Variants in NCALD observed in about 807,000 individuals in gnomAD.
The protein encoded by NCALD is neurocalcin-delta.
A neutral mutation model predicts 18.6 loss-of-function variants in NCALD; 10 were observed. That is an observed-to-expected ratio of 0.54 (90% CI 0.33 to 0.91). The LOEUF is 0.91. NCALD is among the 40% of genes least tolerant of loss of function. The pLI is 0.03. For missense variants in NCALD, 184 were observed against 247.6 expected (o/e 0.74, Z 1.72); for synonymous variants, 88 against 87.4 (o/e 1.01, Z -0.04).
At chr8:102,095,651 T>C (rs1825069021) in intron 1 of NCALD, among the ~76,000 whole-genome samples, 1 of 151,860 alleles carries the variant, frequency 6.6e-6, no homozygotes, top group South Asian at 2.1e-4. Flanking sequence ...ATGTATGAAA[T>C]TATTAATAAT....
At chr8:102,079,411 G>A (rs1248049856) in intron 1 of NCALD, among the ~76,000 whole-genome samples, 1 of 152,212 alleles carries the variant, frequency 6.6e-6, no homozygotes, top group Non-Finnish European at 1.5e-5. Flanking sequence ...CCACAGTTGT[G>A]TGTGTCTTTC....
At chr8:101,972,342 C>T (rs1007419876) in intron 2 of NCALD, among the ~76,000 whole-genome samples, 1 of 152,158 alleles carries the variant, frequency 6.6e-6, no homozygotes, top group African/African-American at 2.4e-5. Context: ...TCTCAGCTTC[C>T]TTGTCTCTAA....
chr8:101,999,458 G>C (rs1352813941), intron 2 of NCALD, among the ~76,000 whole-genome samples: 1 of 152,172 alleles, frequency 6.6e-6, no homozygotes, highest in Non-Finnish European at 1.5e-5. Context: ...GCGTAATTGG[G>C]AGCTAAGCTA....
chr8:102,012,303 A>T (rs1207929975), intron 2 of NCALD, among the ~76,000 whole-genome samples: 1 of 152,204 alleles, frequency 6.6e-6, no homozygotes, highest in African/African-American at 2.4e-5. Context: ...ACAGCACACG[A>T]TGTCATTTTC....
At chr8:102,019,207 T>C (rs986045215) in intron 2 of NCALD, among the ~76,000 whole-genome samples, 1 of 151,924 alleles carries the variant, frequency 6.6e-6, no homozygotes, top group South Asian at 2.1e-4. Flanking sequence ...ATTTAAACAA[T>C]ATGATGTTAC....
chr8:101,878,261 T>C (rs1816313662), intron 4 of NCALD, among the ~76,000 whole-genome samples: 1 of 152,258 alleles, frequency 6.6e-6, no homozygotes, highest in African/African-American at 2.4e-5. Context: ...CAAACAGCAC[T>C]GTCATGTAAT....
chr8:101,976,232 CTT>C (rs1322994446), intron 2 of NCALD, among the ~76,000 whole-genome samples: 1 of 152,002 alleles, frequency 6.6e-6, no homozygotes, highest in Non-Finnish European at 1.5e-5. Flanking sequence ...CCTGCCCTCA[CTT>C]TCACAAGTCA....
At chr8:102,107,233 TATATATACAC>T (rs1825494252) in intron 1 of NCALD, among the ~76,000 whole-genome samples, 1 of 119,656 alleles carries the variant, frequency 8.4e-6, no homozygotes, top group Non-Finnish European at 1.8e-5. Flanking sequence ...TATATATATA[TATATATACAC>T]ATAGAAATAT....
At chr8:101,783,118 T>A (rs1313543061) in intron 1 of NCALD, among the ~76,000 whole-genome samples, 1 of 152,160 alleles carries the variant, frequency 6.6e-6, no homozygotes, top group African/African-American at 2.4e-5. Flanking sequence ...TCCTTGGACA[T>A]GAAAGGAATA....
chr8:101,974,308 A>G (rs1247644853), intron 2 of NCALD, among the ~76,000 whole-genome samples: 1 of 152,178 alleles, frequency 6.6e-6, no homozygotes, highest in East Asian at 1.9e-4. Flanking sequence ...ATGATCTTTG[A>G]TATATAAACT....
chr8:101,885,648 A>G (rs1379117139), intron 4 of NCALD, among the ~76,000 whole-genome samples: 1 of 152,184 alleles, frequency 6.6e-6, no homozygotes, highest in Admixed American at 6.5e-5. Context: ...TGAATGAGAG[A>G]TGAAGTCTAG....
intron 3 of NCALD, among the ~76,000 whole-genome samples, chr8:101,899,215 T>G (rs1413577795): frequency 6.6e-6 from 1 of 152,202 alleles, no homozygotes; most frequent in South Asian, 2.1e-4. Flanking sequence ...AAAAGTGTAA[T>G]TGATTTTGAT....
intron 4 of NCALD, among the ~76,000 whole-genome samples, chr8:101,832,200 A>G (rs2131250577): frequency 6.6e-6 from 1 of 152,098 alleles, no homozygotes; most frequent in East Asian, 1.9e-4. Flanking sequence ...AGGAATGCAA[A>G]TCTTCCTTTC....
chr8:101,707,599 T>C (rs934508032), intron 2 of NCALD, among the ~76,000 whole-genome samples: 3 of 152,220 alleles, frequency 2.0e-5, no homozygotes, highest in Non-Finnish European at 4.4e-5. Context: ...GTTTCACTCA[T>C]TTAAAAGGTG....
At chr8:101,696,844 G>T (rs1028638559) in intron 2 of NCALD, among the ~76,000 whole-genome samples, 24 of 152,062 alleles carry the variant, frequency 1.6e-4, no homozygotes, top group Admixed American at 3.9e-4. Context: ...ACATCAGAAA[G>T]CTAGAAGGAT....
chr8:102,059,404 T>C (rs1197939927), intron 1 of NCALD, among the ~76,000 whole-genome samples: 3 of 152,270 alleles, frequency 2.0e-5, no homozygotes, highest in Admixed American at 6.5e-5. Context: ...AAAGACCATG[T>C]GTTCTCATCT....
intron 3 of NCALD, among the ~76,000 whole-genome samples, chr8:101,912,499 C>T (rs1247397968): frequency 6.6e-6 from 1 of 152,204 alleles, no homozygotes; most frequent in African/African-American, 2.4e-5. Context: ...TTCAGATAAT[C>T]CTAATTCTCA....
chr8:101,719,175 C>T (rs1816231623), intron 2 of NCALD, 77 bp downstream of exon 2: 1 of 1,513,482 alleles, frequency 6.6e-7, no homozygotes, highest in Non-Finnish European at 8.8e-7. Flanking sequence ...AACCTCTGCA[C>T]CGTGCTATAC....
chr8:102,082,224 CTCTT>C (rs1203353516), intron 1 of NCALD, among the ~76,000 whole-genome samples: 15 of 109,476 alleles, frequency 1.4e-4, no homozygotes, highest in African/African-American at 3.8e-4. Context: ...GAGAAGCTCT[CTCTT>C]TTTTTTTTTT....
Sources: gnomAD v4.1 joint callset for allele counts (sites outside exome capture counted in the v4.1 genomes callset) on GRCh38, gnomAD v4.1.1 for gene constraint, MANE v1.5 for transcripts, NCBI Gene and HGNC (gene_info 2026-07-23, HGNC 2026-07-21) for gene names.